The following FAT4 variants were observed in gnomAD, a reference collection of about 807,000 sequenced individuals.
FAT4 encodes the protein protocadherin Fat 4.
Under a neutral mutation model 303.9 loss-of-function variants are expected in FAT4, and 84 were observed. The ratio of observed to expected loss-of-function variants is 0.28; its 90% confidence interval spans 0.23 to 0.33. FAT4 has a LOEUF of 0.33. Ranked by LOEUF, FAT4 falls within the 10% of genes least tolerant of loss-of-function variation. The pLI, the probability that FAT4 is intolerant of heterozygous loss-of-function variation, is 1.00. For missense variants in FAT4, 6,005 were observed against 6,146.8 expected, an observed-to-expected ratio of 0.98 and a Z score of 0.77; for synonymous variants, 2,307 against 2,298.8, an observed-to-expected ratio of 1.00 and a Z score of -0.10.
rs901349524 is a variant in FAT4, at chr4:125,315,054, C to CTGTGTGTGTGTGTGTGCGTGTGTATG, written c.-923_-898dup. Among the ~76,000 whole-genome samples, 1 of 150,944 alleles carries CTGTGTGTGTGTGTGTGCGTGTGTATG rather than the reference C, an allele frequency of 6.6e-6. No individual in the cohort carries two copies. Among genetic ancestry groups the CTGTGTGTGTGTGTGTGCGTGTGTATG allele is most frequent in the Admixed American group, 6.6e-5 (1 of 15,164 alleles). ...CCTCTGTTTGTGTTTCGGCGACGCG[C>CTGTGTGTGTGTGTGTGCGTGTGTATG]TGTGTGTGTGTGTGTGCGTGTGTAT... On this transcript the variant is annotated 5_prime_UTR_variant, in exon 1 of 18. It adds an upstream start codon to the 5' untranslated region. Transcript: ENST00000394329.
intron 16 of FAT4, among the ~76,000 whole-genome samples, chr4:125,483,883 G>A (rs541384073): frequency 4.7e-5 from 7 of 149,698 alleles, no homozygotes; most frequent in Admixed American, 4.0e-4. Flanking sequence ...AGCTAGTTAG[G>A]ATGGACTTTT....
chr4:125,373,741 A>G (rs1733210307), intron 2 of FAT4, among the ~76,000 whole-genome samples: 1 of 152,172 alleles, frequency 6.6e-6, no homozygotes, highest in African/African-American at 2.4e-5. Context: ...AAACAGGGGC[A>G]CAGGGAGGCA....
At chr4:125,465,236 T>C (rs1379396494) in intron 11 of FAT4, among the ~76,000 whole-genome samples, 5 of 152,172 alleles carry the variant, frequency 3.3e-5, no homozygotes, top group African/African-American at 1.2e-4. Flanking sequence ...AGAACCCCTT[T>C]TTATACAATT....
chr4:125,420,251 A>G (rs1304464936), intron 7 of FAT4, among the ~76,000 whole-genome samples: 1 of 152,148 alleles, frequency 6.6e-6, no homozygotes. Context: ...TGTTTACCTT[A>G]TCCTTCTCTA....
intron 7 of FAT4, among the ~76,000 whole-genome samples, chr4:125,421,778 AT>A (rs1724904007): frequency 6.6e-6 from 1 of 152,144 alleles, no homozygotes; most frequent in Non-Finnish European, 1.5e-5. Context: ...AGATAAGAAA[AT>A]TGAAGGCTGG....
At chr4:125,438,390 C>G (rs868397831) in intron 8 of FAT4, among the ~76,000 whole-genome samples, 1 of 152,110 alleles carries the variant, frequency 6.6e-6, no homozygotes, top group African/African-American at 2.4e-5. Flanking sequence ...TACTCTCAAA[C>G]TGTTTTACAA....
intron 2 of FAT4, among the ~76,000 whole-genome samples, chr4:125,375,774 C>T (rs1316559933): frequency 6.6e-6 from 1 of 152,232 alleles, no homozygotes; most frequent in Non-Finnish European, 1.5e-5. Context: ...AATCTGTTTA[C>T]TGTTTGACAA....
At chr4:125,387,700 A>G (rs557163612) in intron 2 of FAT4, among the ~76,000 whole-genome samples, 1 of 152,292 alleles carries the variant, frequency 6.6e-6, no homozygotes, top group African/African-American at 2.4e-5. Context: ...AGGGTAGGAA[A>G]AGGTATTAAT....
chr4:125,399,826 T>C (rs1193794585), intron 3 of FAT4, among the ~76,000 whole-genome samples: 1 of 152,060 alleles, frequency 6.6e-6, no homozygotes, highest in Non-Finnish European at 1.5e-5. Flanking sequence ...TACGATGTTT[T>C]ATGTTTAGTA....
intron 6 of FAT4, 150 bp downstream of exon 6, chr4:125,415,956 GA>G: frequency 1.6e-6 from 1 of 637,122 alleles, no homozygotes. Context: ...TTTTGAAAAG[GA>G]AAGGTTTATA....
intron 14 of FAT4, 131 bp from the exon 15 acceptor site, chr4:125,479,610 G>A: frequency 2.2e-5 from 19 of 852,052 alleles, no homozygotes; most frequent in Non-Finnish European, 3.0e-5. Flanking sequence ...TTCTCCAAAT[G>A]TAGTTGTAAC....
chr4:125,350,579 T>C (rs1267060154), intron 2 of FAT4, among the ~76,000 whole-genome samples: 1 of 151,772 alleles, frequency 6.6e-6, no homozygotes, highest in Non-Finnish European at 1.5e-5. Flanking sequence ...GATTTTGCTT[T>C]TGTTTACTGA....
chr4:125,481,750 G>A lies in FAT4; in HGVS notation c.12822+12G>A, dbSNP rs775558776. On this transcript the variant is annotated intron_variant, in intron 16 of 17. Transcript: ENST00000394329. ...ACACTACTGTGAAGGTGAGATAAAAGCTAATGGTGACTTCATTTGATTAGA... is the reference window on the plus strand; with the variant it reads ...ACACTACTGTGAAGGTGAGATAAAAACTAATGGTGACTTCATTTGATTAGA... The A allele has an allele frequency of 1.2e-6, 2 of 1,611,154 alleles. No individual in the cohort carries two copies. The highest frequency in any genetic ancestry group is 3.3e-5 in the Admixed American group (2 of 59,988).
intron 2 of FAT4, among the ~76,000 whole-genome samples, chr4:125,324,988 T>C (rs1033848191): frequency 6.6e-6 from 1 of 152,140 alleles, no homozygotes; most frequent in Non-Finnish European, 1.5e-5. Flanking sequence ...CTCAATAGAA[T>C]ACAGCTGGAT....
In FAT4 at chr4:125,316,592, G is replaced by T; in HGVS notation, c.181G>T (p.Val61Leu). ...VLEEQPPGTL[V>L]GTIQTRPGFT... is the part of the protein sequence containing the mutation. Reference sequence around the variant, plus strand: ...GGAAGAGCAACCTCCAGGCACTCTGGTAGGCACCATCCAGACGCGCCCCGG... The same window carrying T: ...GGAAGAGCAACCTCCAGGCACTCTGTTAGGCACCATCCAGACGCGCCCCGG... Residue 61 changes from valine to leucine, a missense_variant, in exon 2 of 18, where the codon GTA becomes TTA. Transcript: ENST00000394329. This position sits in a 1 kb window ranked among gnomAD's most constrained non-coding sequence, Gnocchi z 5.7. 1 of 1,614,022 alleles carries T rather than the reference G, an allele frequency of 6.2e-7. No homozygotes were observed. The highest frequency in any genetic ancestry group is 8.5e-7 in the Non-Finnish European group (1 of 1,180,036).
At chr4:125,484,861 G>A (rs562234981) in intron 16 of FAT4, among the ~76,000 whole-genome samples, 1 of 151,930 alleles carries the variant, frequency 6.6e-6, no homozygotes, top group South Asian at 2.1e-4. Context: ...GGGGATGGGG[G>A]ACAGCCTGGG....
chr4:125,380,561 TAA>T (rs1733502061), intron 2 of FAT4, among the ~76,000 whole-genome samples: 1 of 152,226 alleles, frequency 6.6e-6, no homozygotes, highest in Non-Finnish European at 1.5e-5. Context: ...CAGAGACTAT[TAA>T]GATTGTAATT....
chr4:125,481,369 A>G, intron 15 of FAT4, 152 bp from the exon 16 acceptor site: 1 of 640,160 alleles, frequency 1.6e-6, no homozygotes, highest in Non-Finnish European at 2.7e-6. Flanking sequence ...ATGATTCATA[A>G]ATGGAAATTA....
intron 2 of FAT4, among the ~76,000 whole-genome samples, chr4:125,341,207 T>C (rs1341249535): frequency 1.3e-5 from 2 of 152,076 alleles, no homozygotes; most frequent in African/African-American, 4.8e-5. Flanking sequence ...GTGAAAGAAC[T>C]CTAGTGTTTC....
Sources: gnomAD v4.1 joint callset for allele counts (sites outside exome capture counted in the v4.1 genomes callset) on GRCh38, gnomAD v4.1.1 for gene constraint, Gnocchi (gnomAD v3.1) non-coding constraint, MANE v1.5 for transcripts, NCBI Gene and HGNC (gene_info 2026-07-23, HGNC 2026-07-21) for gene names.